Variants in TMEM106B observed in about 807,000 individuals in gnomAD.
TMEM106B encodes the protein transmembrane protein 106B.
TMEM106B carries 15 observed loss-of-function variants against 31.1 expected under a neutral mutation model. The observed-to-expected ratio is 0.48, with a 90% CI of 0.32 to 0.74. The LOEUF is 0.74. TMEM106B is among the 30% of genes least tolerant of loss of function. The pLI is 0.03. For synonymous variants in TMEM106B, 126 were observed against 112.5 expected, an observed-to-expected ratio of 1.12 and a Z score of -0.76; for missense variants, 283 against 327.3, an observed-to-expected ratio of 0.86 and a Z score of 1.04.
At chr7:12,224,154 C>A in intron 3 of TMEM106B, 72 bp from the exon 4 acceptor site, 1 of 1,407,516 alleles carries the variant, frequency 7.1e-7, no homozygotes, top group Non-Finnish European at 9.9e-7. Context: ...GGAAATTGAA[C>A]ATACCTTCTC....
intron 1 of TMEM106B, among the ~76,000 whole-genome samples, chr7:12,213,042 T>C (rs1238564406): frequency 6.6e-6 from 1 of 152,220 alleles, no homozygotes; most frequent in Non-Finnish European, 1.5e-5. Context: ...TGTTAAGTTC[T>C]TTTCAGCTTT....
rs972010081 is a variant in TMEM106B, at chr7:12,237,808, TATATACATACACACACACACAC to T, written c.*5835_*5856del. Reference sequence around the variant, plus strand: ...CAACATGGCGAGACCCCATATAAAATATATACATACACACACACACACACACACACACACACACACACACACA... The same window carrying T: ...CAACATGGCGAGACCCCATATAAAATACACACACACACACACACACACACA... On this transcript the variant is annotated 3_prime_UTR_variant, in exon 8 of 8. Transcript: ENST00000396668. 3.5e-5 allele frequency: 3 copies of T among 84,930 alleles called. No individual in the cohort carries two copies. Among genetic ancestry groups the T allele is most frequent in the African/African-American group, 1.5e-4 (3 of 20,138 alleles). 5.3% of individuals were successfully genotyped at this position (84,930 alleles called of 1,614,324 possible). A position where few individuals can be genotyped will look rare whatever the true frequency, so the allele number is the denominator to read the frequency against.
intron 3 of TMEM106B, among the ~76,000 whole-genome samples, chr7:12,223,641 G>T (rs1360491016): frequency 6.6e-6 from 1 of 151,798 alleles, no homozygotes; most frequent in African/African-American, 2.4e-5. Flanking sequence ...TGAATCTAAT[G>T]TGAAAACTGC....
intron 2 of TMEM106B, among the ~76,000 whole-genome samples, chr7:12,217,719 A>G (rs988475922): frequency 6.6e-6 from 1 of 152,168 alleles, no homozygotes; most frequent in African/African-American, 2.4e-5. Context: ...TGAGAGGAAG[A>G]GTATAGATGT....
chr7:12,239,205 C>A lies in TMEM106B; in HGVS notation c.*7230C>A, dbSNP rs944995678. 6.6e-6 allele frequency: 1 copy of A among 152,164 alleles called. No individual in the cohort carries two copies. Among genetic ancestry groups the A allele is most frequent in the Non-Finnish European group, 1.5e-5 (1 of 68,026 alleles). 9.4% of individuals were successfully genotyped at this position (152,164 alleles called of 1,614,324 possible). ...TATGGAAACAACTTATCTCCTTAAA[C>A]ATCATTAACCAACCTCTTGGTAGCT... On this transcript the variant is annotated 3_prime_UTR_variant, in exon 8 of 8. Coordinates refer to ENST00000396668, the MANE Select transcript of TMEM106B (RefSeq NM_001134232.2).
At chr7:12,211,845 C>G (rs1562700736) in intron 1 of TMEM106B, among the ~76,000 whole-genome samples, 1 of 152,196 alleles carries the variant, frequency 6.6e-6, no homozygotes, top group Non-Finnish European at 1.5e-5. Context: ...AGTGTCTACA[C>G]AGAAGATCAG....
intron 1 of TMEM106B, 30 bp from the exon 2 acceptor site, chr7:12,214,779 G>A (rs1172161212): frequency 6.5e-7 from 1 of 1,541,652 alleles, no homozygotes; most frequent in Non-Finnish European, 8.8e-7. Flanking sequence ...TTTCCCTGAA[G>A]TTTACTGTAA....
At position 12,240,494 on chromosome 7, in the gene TMEM106B, A is replaced by C. The variant is rs900012905; in HGVS notation, c.*8519A>C. ...TTTGTCAGCTTAGAGGTTGTGTTTTAATTACTATTTTTAAAATCTTGTATG... is the reference window on the plus strand; with the variant it reads ...TTTGTCAGCTTAGAGGTTGTGTTTTCATTACTATTTTTAAAATCTTGTATG... On this transcript the variant is annotated 3_prime_UTR_variant, in exon 8 of 8. Transcript: ENST00000396668. 2 of 152,136 alleles carry C rather than the reference A, an allele frequency of 1.3e-5. No homozygotes were observed. The highest frequency in any genetic ancestry group is 1.3e-4 in the Admixed American group (2 of 15,254). 9.4% of individuals were successfully genotyped at this position (152,136 alleles called of 1,614,324 possible).
rs1443613758 is a variant in TMEM106B at position 12,240,294 on chromosome 7, C to T, written c.*8319C>T. 1 of 152,146 alleles carries T rather than the reference C, an allele frequency of 6.6e-6. No homozygotes were observed. Among genetic ancestry groups the T allele is most frequent in the Non-Finnish European group, 1.5e-5 (1 of 68,030 alleles). 9.4% of individuals were successfully genotyped at this position (152,146 alleles called of 1,614,324 possible). ...ATCTTTTTCAATGCCCACTTCGTGT[C>T]CAACCCCTCTCTACTTTCCCTCTAA... is the stretch of plus-strand genomic sequence containing the variant. On this transcript the variant is annotated 3_prime_UTR_variant, in exon 8 of 8. Transcript: ENST00000396668.
rs1178900714 is a variant in TMEM106B at position 12,238,998 on chromosome 7, T to C, written c.*7023T>C. 2.0e-5 allele frequency: 3 copies of C among 152,156 alleles called. No homozygotes were observed. Among genetic ancestry groups the C allele is most frequent in the African/African-American group, 7.2e-5 (3 of 41,448 alleles). The allele number at this position is 152,156 out of a possible 1,614,324, so 9.4% of individuals were successfully genotyped here. Reference sequence around the variant, plus strand: ...CCTTTAAAGCTTTAAAGGCAAGCATTGACTTCTCTTTAGCTATGAAAGTTT... The same window carrying C: ...CCTTTAAAGCTTTAAAGGCAAGCATCGACTTCTCTTTAGCTATGAAAGTTT... On this transcript the variant is annotated 3_prime_UTR_variant, in exon 8 of 8. Coordinates refer to ENST00000396668, the MANE Select transcript of TMEM106B (RefSeq NM_001134232.2).
chr7:12,214,581 A>G (rs564186377), intron 1 of TMEM106B, among the ~76,000 whole-genome samples: 3 of 152,300 alleles, frequency 2.0e-5, no homozygotes, highest in African/African-American at 2.4e-5. Context: ...TCCAAAATGT[A>G]TAATCAAGCT....
intron 4 of TMEM106B, among the ~76,000 whole-genome samples, chr7:12,225,245 G>A (rs10950398): frequency 0.52 from 79,369 of 151,966 alleles, 22,116 homozygotes; most frequent in African/African-American, 0.71. Context: ...TATGTGCCAC[G>A]TTTTCTTAAT....
intron 3 of TMEM106B, among the ~76,000 whole-genome samples, chr7:12,219,305 A>G (rs974942759): frequency 5.3e-5 from 8 of 152,184 alleles, no homozygotes; most frequent in Non-Finnish European, 1.2e-4. Context: ...TGGAGGCCAT[A>G]TTTTCAAATA....
rs534077709 is a variant in TMEM106B at position 12,231,173 on chromosome 7, A to T, written c.686+58A>T. ...CTTGTTAACATTTTGGATTTATAACATTGGCTTATAATATACACAACATCT... is the reference window on the plus strand; with the variant it reads ...CTTGTTAACATTTTGGATTTATAACTTTGGCTTATAATATACACAACATCT... On this transcript the variant is annotated intron_variant, in intron 7 of 7. Transcript: ENST00000396668. 1.1e-5 allele frequency: 14 copies of T among 1,326,008 alleles called. No homozygotes were observed. In the African/African-American group the frequency reaches 1.9e-4, roughly 18 times the overall value. 82.1% of individuals were successfully genotyped at this position (1,326,008 alleles called of 1,614,324 possible). A position where few individuals can be genotyped will look rare whatever the true frequency, so the allele number is the denominator to read the frequency against.
At chr7:12,216,195 C>T (rs1359692541) in intron 2 of TMEM106B, among the ~76,000 whole-genome samples, 1 of 151,860 alleles carries the variant, frequency 6.6e-6, no homozygotes, top group East Asian at 1.9e-4. Flanking sequence ...ATTAATGCAC[C>T]AGGCTCAGGG....
intron 2 of TMEM106B, among the ~76,000 whole-genome samples, chr7:12,216,580 A>C (rs948244722): frequency 6.6e-6 from 1 of 152,154 alleles, no homozygotes; most frequent in Non-Finnish European, 1.5e-5. Flanking sequence ...GCTCAGCTGG[A>C]TGACAGCAGC....
rs1782226390 is a variant in TMEM106B at position 12,240,748 on chromosome 7, T to C, written c.*8773T>C. ...TTTTTTAAAGCTTGTGAAATACTTA[T>C]TTGTAAATAGCATCTTATGAGGAAC... On this transcript the variant is annotated 3_prime_UTR_variant, in exon 8 of 8. Transcript: ENST00000396668. The C allele has an allele frequency of 6.6e-6, 1 of 152,028 alleles. No homozygotes were observed. The highest frequency in any genetic ancestry group is 1.5e-5 in the Non-Finnish European group (1 of 68,006). The allele number at this position is 152,028 out of a possible 1,614,324, so 9.4% of individuals were successfully genotyped here.
At chr7:12,218,367 A>G (rs1781727979) in intron 2 of TMEM106B, 91 bp from the exon 3 acceptor site, 4 of 1,017,238 alleles carry the variant, frequency 3.9e-6, no homozygotes, top group South Asian at 1.4e-5. Context: ...GCCAGATGAT[A>G]TTCTGGTCTT....
Position 12,221,969 on chromosome 7 carries a change from G to C in TMEM106B, c.282-2257G>C, listed in dbSNP as rs1223814659. Among the ~76,000 whole-genome samples, 3 of 152,238 alleles carry C rather than the reference G, an allele frequency of 2.0e-5. No homozygotes were observed. In the East Asian group the frequency reaches 5.8e-4, roughly 29 times the overall value. ...AAGAACAGTTGTTGTTTCTCAATTT[G>C]TAATAAAATTATAATATTTTGGGAA... On this transcript the variant is annotated intron_variant, in intron 3 of 7. Coordinates refer to ENST00000396668, the MANE Select transcript of TMEM106B (RefSeq NM_001134232.2).
Sources: allele counts gnomAD v4.1 joint callset (sites outside exome capture counted in the v4.1 genomes callset), GRCh38; gene constraint gnomAD v4.1.1; transcripts MANE v1.5; gene names NCBI Gene and HGNC (gene_info 2026-07-23, HGNC 2026-07-21).